Variants in RNGTT observed in about 807,000 individuals in gnomAD.
The protein encoded by RNGTT is mRNA-capping enzyme.
In RNGTT, 33 loss-of-function variants were observed where a neutral mutation model predicts 79.3. The observed-to-expected ratio is 0.42, with a 90% CI of 0.32 to 0.56. RNGTT has a LOEUF of 0.56. Among genes scored for constraint, RNGTT ranks in the 20% least tolerant of loss-of-function variants. RNGTT has a pLI of 0.17. For missense variants in RNGTT, 497 were observed against 739.1 expected (o/e 0.67, Z 3.80); for synonymous variants, 222 against 235.9 (o/e 0.94, Z 0.54).
At chr6:88,879,618 T>C (rs1216992457) in intron 8 of RNGTT, among the ~76,000 whole-genome samples, 5 of 152,190 alleles carry the variant, frequency 3.3e-5, no homozygotes, top group African/African-American at 9.7e-5. Flanking sequence ...TTCAAATGTA[T>C]ACATTTAGTA....
intron 11 of RNGTT, among the ~76,000 whole-genome samples, chr6:88,807,650 A>C (rs551696121): frequency 6.6e-6 from 1 of 152,294 alleles, no homozygotes; most frequent in East Asian, 1.9e-4. Context: ...GAAGCAAAGA[A>C]ACCAACTGAG....
intron 13 of RNGTT, among the ~76,000 whole-genome samples, chr6:88,736,928 G>A (rs1030667062): frequency 1.3e-5 from 2 of 152,144 alleles, no homozygotes; most frequent in South Asian, 4.1e-4. Context: ...AGTCTTAAAG[G>A]GCAAGGATGA....
intron 13 of RNGTT, among the ~76,000 whole-genome samples, chr6:88,699,618 T>C (rs1045187080): frequency 2.6e-5 from 4 of 152,176 alleles, no homozygotes; most frequent in Admixed American, 6.5e-5. Flanking sequence ...TGAGCCATGA[T>C]AGTGCCACTG....
intron 8 of RNGTT, among the ~76,000 whole-genome samples, chr6:88,868,564 C>T (rs907510156): frequency 6.6e-6 from 1 of 152,204 alleles, no homozygotes; most frequent in African/African-American, 2.4e-5. Flanking sequence ...CTTCACTCAT[C>T]ATCCTCCTAA....
rs1454480409 is a variant in RNGTT at position 88,610,085 on chromosome 6, A to AC, written c.*2633dup. Among the ~76,000 whole-genome samples the AC allele has an allele frequency of 1.3e-5, 2 of 152,098 alleles. No homozygotes were observed. The highest frequency in any genetic ancestry group is 2.9e-5 in the Non-Finnish European group (2 of 68,010). ...TTCAAAAATAAAAGGTTCAAACTAC[A>AC]CCCCCCTGTGTCAATCAAATTTCTC... On this transcript the variant is annotated 3_prime_UTR_variant, in exon 16 of 16. Coordinates refer to ENST00000369485, the MANE Select transcript of RNGTT (RefSeq NM_003800.5).
At chr6:88,767,910 T>A (rs143367328) in intron 13 of RNGTT, among the ~76,000 whole-genome samples, 11 of 152,226 alleles carry the variant, frequency 7.2e-5, no homozygotes, top group Non-Finnish European at 1.6e-4. Context: ...GTTCAACATA[T>A]CAATATTTAT....
chr6:88,959,839 C>T (rs1351889605), intron 1 of RNGTT, among the ~76,000 whole-genome samples: 1 of 152,162 alleles, frequency 6.6e-6, no homozygotes, highest in Non-Finnish European at 1.5e-5. Flanking sequence ...CCTGTATGAT[C>T]AGGCTATTCT....
At chr6:88,827,092 G>A (rs185179145) in intron 11 of RNGTT, among the ~76,000 whole-genome samples, 60 of 152,066 alleles carry the variant, frequency 3.9e-4, no homozygotes, top group Non-Finnish European at 4.7e-4. Flanking sequence ...AGTATTCAGA[G>A]GCCTGGCAAG....
chr6:88,773,735 G>A (rs1050592672), intron 12 of RNGTT, among the ~76,000 whole-genome samples: 39 of 152,110 alleles, frequency 2.6e-4, no homozygotes, highest in Non-Finnish European at 4.1e-4. Flanking sequence ...CTCTCTTTAA[G>A]AAAGAGAGGT....
intron 10 of RNGTT, 26 bp downstream of exon 10, chr6:88,849,729 G>C (rs1259585220): frequency 1.3e-6 from 2 of 1,491,570 alleles, no homozygotes; most frequent in African/African-American, 2.9e-5. Flanking sequence ...GTAATAACTT[G>C]TATTTTATAA....
intron 11 of RNGTT, among the ~76,000 whole-genome samples, chr6:88,834,076 A>G (rs898206388): frequency 1.3e-5 from 2 of 152,190 alleles, no homozygotes; most frequent in African/African-American, 4.8e-5. Flanking sequence ...CTCTGAATCT[A>G]CAAATAGGTA....
intron 4 of RNGTT, among the ~76,000 whole-genome samples, chr6:88,911,128 G>A (rs1398910499): frequency 3.3e-5 from 5 of 152,002 alleles, no homozygotes; most frequent in African/African-American, 1.2e-4. Context: ...AAAATCTCAC[G>A]TATCATTAAC....
chr6:88,850,428 G>T (rs573932651), intron 9 of RNGTT, among the ~76,000 whole-genome samples: 1 of 150,596 alleles, frequency 6.6e-6, no homozygotes, highest in Non-Finnish European at 1.5e-5. Context: ...ACAAGATAAG[G>T]ACATTAAAGG....
chr6:88,885,482 A>G (rs997823510), intron 8 of RNGTT, among the ~76,000 whole-genome samples: 1 of 152,232 alleles, frequency 6.6e-6, no homozygotes, highest in Admixed American at 6.5e-5. Flanking sequence ...ATAGGAATAA[A>G]AAAAGCAAGA....
At chr6:88,878,715 A>AAGCTATTTGCTTTGCTT (rs1208760140) in intron 8 of RNGTT, among the ~76,000 whole-genome samples, 11 of 152,224 alleles carry the variant, frequency 7.2e-5, no homozygotes, top group African/African-American at 2.7e-4. Context: ...TATGTTACAT[A>AAGCTATTTGCTTTGCTT]TCAGGAGCTA....
chr6:88,688,994 T>C (rs1775378602), intron 13 of RNGTT, among the ~76,000 whole-genome samples: 1 of 152,194 alleles, frequency 6.6e-6, no homozygotes, highest in Non-Finnish European at 1.5e-5. Flanking sequence ...ACAAAATACA[T>C]GTTAATTGAC....
chr6:88,620,032 T>C (rs1772384192), intron 14 of RNGTT, among the ~76,000 whole-genome samples: 1 of 152,210 alleles, frequency 6.6e-6, no homozygotes, highest in African/African-American at 2.4e-5. Flanking sequence ...GTAAAATACG[T>C]GTCACGTTAC....
intron 12 of RNGTT, among the ~76,000 whole-genome samples, chr6:88,791,075 C>T (rs747601429): frequency 4.0e-5 from 6 of 150,908 alleles, no homozygotes; most frequent in East Asian, 1.9e-4. Context: ...TAAATTAAGG[C>T]CATTCAAGGG....
intron 1 of RNGTT, among the ~76,000 whole-genome samples, chr6:88,962,551 T>C (rs929472172): frequency 5.3e-5 from 8 of 151,874 alleles, no homozygotes; most frequent in African/African-American, 1.7e-4. Context: ...GGCGGGCGGA[T>C]CACTTGAGGC....
Sources: allele counts gnomAD v4.1 joint callset (sites outside exome capture counted in the v4.1 genomes callset), GRCh38; gene constraint gnomAD v4.1.1; transcripts MANE v1.5; gene names NCBI Gene and HGNC (gene_info 2026-07-23, HGNC 2026-07-21).